Variants in CEMP1 observed in about 807,000 individuals in gnomAD.
CEMP1 encodes cementum protein 1.
For synonymous variants in CEMP1, 161 were observed against 128.6 expected, an observed-to-expected ratio of 1.25 and a Z score of -1.71; for missense variants, 387 against 316.9, an observed-to-expected ratio of 1.22 and a Z score of -1.68.
rs780701329 is a variant in CEMP1, at chr16:2,530,246, C to T, written c.*84G>A. 27 of 1,602,306 alleles carry T rather than the reference C, an allele frequency of 1.7e-5. No individual in the cohort carries two copies. The highest frequency in any genetic ancestry group is 2.7e-5 in the African/African-American group (2 of 74,728). ...TCTTCTCAATAACCCTATCTCTTCA[C>T]ACATCCCCAGGCCCAGTGCTTGCCG... On this transcript the variant is annotated 3_prime_UTR_variant, in exon 1 of 1. Transcript: ENST00000567119.
Position 2,530,765 on chromosome 16 carries a change from G to A in CEMP1, c.309C>T (p.Ala103=). 6.2e-7 allele frequency: 1 copy of A among 1,613,578 alleles called. No homozygotes were observed. The highest frequency in any genetic ancestry group is 1.1e-5 in the South Asian group (1 of 91,088). The change falls in exon 1 of 1, where the codon GCC becomes GCT. Residue 103 remains alanine, a synonymous_variant. Transcript: ENST00000567119. Reference sequence around the variant, plus strand: ...CTGGGCAGGGCCTCGCCTGAGGGAGGGCCTGGGGCAGGGCACAAGGGGTTG... The same window carrying A: ...CTGGGCAGGGCCTCGCCTGAGGGAGAGCCTGGGGCAGGGCACAAGGGGTTG... ...LRSTPCALPQ[A]LPQARPCPGR...
At position 2,530,913 on chromosome 16, in the gene CEMP1, G is replaced by C; in HGVS notation, c.161C>G (p.Pro54Arg). 6.2e-7 allele frequency: 1 copy of C among 1,613,496 alleles called. No homozygotes were observed. Among genetic ancestry groups the C allele is most frequent in the Non-Finnish European group, 8.5e-7 (1 of 1,179,986 alleles). ...PAQAGAGQPLPKGCAAVKAEV... is the reference protein window; with the variant it reads ...PAQAGAGQPLRKGCAAVKAEV... Reference sequence around the variant, plus strand: ...TGCCTTGACGGCCGCGCACCCCTTAGGAAGTGGCTGTCCAGCGCCTGCCTG... The same window carrying C: ...TGCCTTGACGGCCGCGCACCCCTTACGAAGTGGCTGTCCAGCGCCTGCCTG... Residue 54 changes from proline (P) to arginine (R), a missense_variant, in exon 1 of 1, where the codon CCT becomes CGT. By Grantham distance (103) the Pro-to-Arg change is moderately radical. Transcript: ENST00000567119.
chr16:2,530,275 GTGGT>G lies in CEMP1; in HGVS notation c.*51_*54del, dbSNP rs2066069708. The G allele has an allele frequency of 1.2e-5, 19 of 1,612,956 alleles. No homozygotes were observed. The East Asian group carries it at 4.2e-4, about 36-fold the overall frequency. On this transcript the variant is annotated 3_prime_UTR_variant, in exon 1 of 1. Coordinates refer to ENST00000567119, the MANE Select transcript of CEMP1 (RefSeq NM_001048212.3). ...TCCCCAGGCCCAGTGCTTGCCGGCT[GTGGT>G]GACCCTGCCTGGTGCTGGAGGGCAG...
In CEMP1 at chr16:2,531,234, G is replaced by C. The variant is rs2066092154; in HGVS notation, c.-161C>G. The C allele has an allele frequency of 1.1e-6, 1 of 921,878 alleles. No individual in the cohort carries two copies. Among genetic ancestry groups the C allele is most frequent in the Non-Finnish European group, 1.6e-6 (1 of 617,400 alleles). 57.1% of individuals were successfully genotyped at this position (921,878 alleles called of 1,614,324 possible). On this transcript the variant is annotated 5_prime_UTR_variant, in exon 1 of 1. Coordinates refer to ENST00000567119, the MANE Select transcript of CEMP1 (RefSeq NM_001048212.3). Reference sequence around the variant, plus strand: ...CTGGAGGGTCGGGGAGGGGCTGGCAGAGATGGTTGGTCCACAGGGCTAGCC... The same window carrying C: ...CTGGAGGGTCGGGGAGGGGCTGGCACAGATGGTTGGTCCACAGGGCTAGCC...
Position 2,531,336 on chromosome 16 carries a change from G to A in CEMP1, c.-263C>T, listed in dbSNP as rs561255572. On this transcript the variant is annotated 5_prime_UTR_variant, in exon 1 of 1. Transcript: ENST00000567119. ...GGAGCTGCTGCAGGATGATTTTGAG[G>A]TGTGGGGGAAGCACTCTTGGTTGGT... is the stretch of plus-strand genomic sequence containing the variant. 1.9e-6 allele frequency: 1 copy of A among 531,342 alleles called. No individual in the cohort carries two copies. Among genetic ancestry groups the A allele is most frequent in the South Asian group, 3.4e-5 (1 of 29,374 alleles). The allele number at this position is 531,342 out of a possible 1,614,324, so 32.9% of individuals were successfully genotyped here.
Position 2,530,642 on chromosome 16 carries a change from C to T in CEMP1, c.432G>A (p.Gln144=). The change falls in exon 1 of 1, where the codon CAG becomes CAA. Residue 144 remains glutamine (Q), a synonymous_variant. Transcript: ENST00000567119. ...TWRHFLNWAL[Q]QREENSGRAR... ...CTCTGCCACTGTTCTCTTCCCTCTG[C>T]TGCAAAGCCCAGTTAAGGAAATGTC... 6.2e-7 allele frequency: 1 copy of T among 1,614,214 alleles called. No homozygotes were observed.
chr16:2,531,140 C>T lies in CEMP1; in HGVS notation c.-67G>A, dbSNP rs376371645. ...CTCAGACGGGACGCCCAGTCCAGAG[C>T]TGGTGAGCCCTGGGCCAGCCTTTGG... On this transcript the variant is annotated 5_prime_UTR_variant, in exon 1 of 1. Transcript: ENST00000567119. 4 of 1,527,306 alleles carry T rather than the reference C, an allele frequency of 2.6e-6. No individual in the cohort carries two copies. In the East Asian group the frequency reaches 9.1e-5, roughly 35 times the overall value. 94.6% of individuals were successfully genotyped at this position (1,527,306 alleles called of 1,614,324 possible). A position where few individuals can be genotyped will look rare whatever the true frequency, so the allele number is the denominator to read the frequency against.
Position 2,530,363 on chromosome 16 carries a change from G to A in CEMP1, c.711C>T (p.Asp237=). 6.2e-7 allele frequency: 1 copy of A among 1,614,162 alleles called. No homozygotes were observed. Residue 237 remains aspartate (D), a synonymous_variant, in exon 1 of 1, where the codon GAC becomes GAT. Transcript: ENST00000567119. ...TTAGTGTCATCCTGCCATCTTCTGT[G>A]TCCCCTTGGCCCTGGCACACACCCA... ...CHMGVCQGQG[D]TEDGRMTLMG is the part of the protein sequence containing the mutation.
In CEMP1 at chr16:2,530,520, A is replaced by G; in HGVS notation, c.554T>C (p.Ile185Thr). ...TTGGTGCAGCCCCACGTCAGGGGTG[A>G]TTGTCTTGACTTTCTCTCCATTTGA... ...QNSNGEKVKT[I>T]TPDVGLHQSL... Residue 185 changes from isoleucine (I) to threonine (T), a missense_variant, in exon 1 of 1, where the codon ATC becomes ACC. By Grantham distance (89) the Ile-to-Thr change is moderately conservative (BLOSUM62 -1). Coordinates refer to ENST00000567119, the MANE Select transcript of CEMP1 (RefSeq NM_001048212.3). 1 of 1,614,054 alleles carries G rather than the reference A, an allele frequency of 6.2e-7. No homozygotes were observed. The highest frequency in any genetic ancestry group is 8.5e-7 in the Non-Finnish European group (1 of 1,179,994).
Position 2,530,548 on chromosome 16 carries a change from T to C in CEMP1, c.526A>G (p.Asn176Asp). ...GTCTTGACTTTCTCTCCATTTGAGT[T>C]CTGGGGTGGGTGGCTCCCTTCCCCC... is the stretch of plus-strand genomic sequence containing the variant. ...SKGEGSHPPQ[N>D]SNGEKVKTIT... Residue 176 changes from asparagine (N) to aspartate (D), a missense_variant, in exon 1 of 1, where the codon AAC becomes GAC. By Grantham distance (23) the Asn-to-Asp change is conservative. Coordinates refer to ENST00000567119, the MANE Select transcript of CEMP1 (RefSeq NM_001048212.3). 1 of 1,614,178 alleles carries C rather than the reference T, an allele frequency of 6.2e-7. No individual in the cohort carries two copies. Among genetic ancestry groups the C allele is most frequent in the Non-Finnish European group, 8.5e-7 (1 of 1,180,016 alleles).
Position 2,530,325 on chromosome 16 carries a change from C to T in CEMP1, c.*5G>A, listed in dbSNP as rs775348057. Reference sequence around the variant, plus strand: ...GGCAGTATGGGAGGCACCAGTGTGCCCTGCTCACCCCATTAGTGTCATCCT... The same window carrying T: ...GGCAGTATGGGAGGCACCAGTGTGCTCTGCTCACCCCATTAGTGTCATCCT... On this transcript the variant is annotated 3_prime_UTR_variant, in exon 1 of 1. Coordinates refer to ENST00000567119, the MANE Select transcript of CEMP1 (RefSeq NM_001048212.3). 1.7e-5 allele frequency: 27 copies of T among 1,614,016 alleles called. 1 individual carries two copies. The South Asian group carries it at 3.0e-4, about 18-fold the overall frequency.
At position 2,531,209 on chromosome 16, in the gene CEMP1, C is replaced by CCA; in HGVS notation, c.-137_-136insTG. On this transcript the variant is annotated 5_prime_UTR_variant, in exon 1 of 1. In the 5' UTR this introduces an upstream ATG that the reference lacks. Coordinates refer to ENST00000567119, the MANE Select transcript of CEMP1 (RefSeq NM_001048212.3). The stretch of plus-strand genomic sequence containing the variant: ...ACCGGCCAGCGCCCCACCTCCCTGG[C>CCA]TGGAGGGTCGGGGAGGGGCTGGCAG... The CCA allele has an allele frequency of 8.3e-7, 1 of 1,209,576 alleles. No individual in the cohort carries two copies. Among genetic ancestry groups the CCA allele is most frequent in the Non-Finnish European group, 1.1e-6 (1 of 876,124 alleles). The allele number at this position is 1,209,576 out of a possible 1,614,324, so 74.9% of individuals were successfully genotyped here. A position where few individuals can be genotyped will look rare whatever the true frequency, so the allele number is the denominator to read the frequency against.
rs746990201 is a variant in CEMP1, at chr16:2,530,381, C to T, written c.693G>A (p.Val231=). ...CTTCTGTGTCCCCTTGGCCCTGGCA[C>T]ACACCCATGTGGCAAACACGGGCCG... ...SLTARVCHMG[V]CQGQGDTEDG... is the part of the protein sequence containing the mutation. The change falls in exon 1 of 1, where the codon GTG becomes GTA. Residue 231 remains valine (V), a synonymous_variant. Transcript: ENST00000567119. 3 of 1,614,052 alleles carry T rather than the reference C, an allele frequency of 1.9e-6. No homozygotes were observed. Among genetic ancestry groups the T allele is most frequent in the Admixed American group, 1.7e-5 (1 of 60,006 alleles).
Position 2,531,395 on chromosome 16 carries a change from C to T in CEMP1, c.-322G>A. On this transcript the variant is annotated 5_prime_UTR_variant, in exon 1 of 1. An upstream start codon of the reference 5' UTR is lost. Coordinates refer to ENST00000567119, the MANE Select transcript of CEMP1 (RefSeq NM_001048212.3). ...GCTTTTTAAAAATTGTGGTAAAATA[C>T]ATAACAAAAGTAACTATCGTAACCT... 2 of 507,086 alleles carry T rather than the reference C, an allele frequency of 3.9e-6. No individual in the cohort carries two copies. The highest frequency in any genetic ancestry group is 7.2e-6 in the Non-Finnish European group (2 of 278,070). The allele number at this position is 507,086 out of a possible 1,614,324, so 31.4% of individuals were successfully genotyped here. A position where few individuals can be genotyped will look rare whatever the true frequency, so the allele number is the denominator to read the frequency against.
In CEMP1 at chr16:2,531,396, A is replaced by G. The variant is rs1843784427; in HGVS notation, c.-323T>C. The G allele has an allele frequency of 9.9e-6, 5 of 506,456 alleles. No homozygotes were observed. The highest frequency in any genetic ancestry group is 1.0e-3 in the Middle Eastern group (2 of 1,952). The allele number at this position is 506,456 out of a possible 1,614,324, so 31.4% of individuals were successfully genotyped here. A position where few individuals can be genotyped will look rare whatever the true frequency, so the allele number is the denominator to read the frequency against. On this transcript the variant is annotated 5_prime_UTR_variant, in exon 1 of 1. It removes an upstream start codon present in the reference 5' UTR. Coordinates refer to ENST00000567119, the MANE Select transcript of CEMP1 (RefSeq NM_001048212.3). ...CTTTTTAAAAATTGTGGTAAAATAC[A>G]TAACAAAAGTAACTATCGTAACCTG...
chr16:2,530,576 G>C lies in CEMP1; in HGVS notation c.498C>G (p.Ser166Arg). 6.2e-7 allele frequency: 1 copy of C among 1,614,180 alleles called. No individual in the cohort carries two copies. Among genetic ancestry groups the C allele is most frequent in the Non-Finnish European group, 8.5e-7 (1 of 1,180,008 alleles). The change falls in exon 1 of 1, where the codon AGC (serine) becomes AGG (arginine). Residue 166 changes from serine to arginine, a missense_variant. Coordinates refer to ENST00000567119, the MANE Select transcript of CEMP1 (RefSeq NM_001048212.3). ...VPPVPRTAPV[S>R]KGEGSHPPQN... is the part of the protein sequence containing the mutation. ...GGGGTGGGTGGCTCCCTTCCCCCTTGCTTACAGGTGCTGTCCTGGGCACAG... is the reference window on the plus strand; with the variant it reads ...GGGGTGGGTGGCTCCCTTCCCCCTTCCTTACAGGTGCTGTCCTGGGCACAG...
rs773380131 is a variant in CEMP1, at chr16:2,531,082, A to T, written c.-9T>A. 5.7e-6 allele frequency: 9 copies of T among 1,578,372 alleles called. No individual in the cohort carries two copies. The highest frequency in any genetic ancestry group is 6.9e-6 in the Non-Finnish European group (8 of 1,158,188). On this transcript the variant is annotated 5_prime_UTR_variant, in exon 1 of 1. Coordinates refer to ENST00000567119, the MANE Select transcript of CEMP1 (RefSeq NM_001048212.3). ...GTGCTTGATGTGCCCATCCTCAGCT[A>T]AAACCCAGAGCTGGCATGTTGGTCA...
chr16:2,531,035 G>A lies in CEMP1; in HGVS notation c.39C>T (p.His13=), dbSNP rs1436933518. The A allele has an allele frequency of 8.8e-6, 14 of 1,599,482 alleles. No individual in the cohort carries two copies. The highest frequency in any genetic ancestry group is 1.2e-5 in the Non-Finnish European group (14 of 1,168,872). Residue 13 remains histidine (H), a synonymous_variant, in exon 1 of 1, where the codon CAC becomes CAT. Coordinates refer to ENST00000567119, the MANE Select transcript of CEMP1 (RefSeq NM_001048212.3). ...TSSTDSQQAG[H]RRCSTSNTSA... ...ATGTGTTAGAGGTTGAGCATCGCCT[G>A]TGCCCAGCTTGCTGGCTGTCAGTGC...
chr16:2,530,747 G>T lies in CEMP1; in HGVS notation c.327C>A (p.Pro109=). The T allele has an allele frequency of 6.2e-7, 1 of 1,613,704 alleles. No homozygotes were observed. Among genetic ancestry groups the T allele is most frequent in the East Asian group, 2.2e-5 (1 of 44,876 alleles). Reference sequence around the variant, plus strand: ...CAGGGAAGAACCACCTGCCTGGGCAGGGCCTCGCCTGAGGGAGGGCCTGGG... The same window carrying T: ...CAGGGAAGAACCACCTGCCTGGGCATGGCCTCGCCTGAGGGAGGGCCTGGG... ...ALPQALPQAR[P]CPGRWFFPGC... The change falls in exon 1 of 1, where the codon CCC becomes CCA. Residue 109 remains proline (P), a synonymous_variant. Transcript: ENST00000567119.
Sources: gnomAD v4.1 joint callset for allele counts on GRCh38, gnomAD v4.1.1 for gene constraint, MANE v1.5 for transcripts, NCBI Gene and HGNC (gene_info 2026-07-23, HGNC 2026-07-21) for gene names.